The following SYNE2 variants were observed in gnomAD, a reference collection of about 807,000 sequenced individuals.
SYNE2 encodes the protein nesprin-2.
Under a neutral mutation model 856.3 loss-of-function variants are expected in SYNE2, and 431 were observed. The ratio of observed to expected loss-of-function variants is 0.50; its 90% CI spans 0.47 to 0.55. SYNE2 has a LOEUF of 0.55. Ranked by LOEUF, SYNE2 falls within the 20% of genes least tolerant of loss-of-function variation. SYNE2 has a pLI of 0.00. For synonymous variants in SYNE2, 2,923 were observed against 2,872.3 expected, an observed-to-expected ratio of 1.02 and a Z score of -0.56; for missense variants, 8,129 against 8,023.2, an observed-to-expected ratio of 1.01 and a Z score of -0.50.
chr14:64,225,337 G>A lies in SYNE2; in HGVS notation c.20535G>A (p.Arg6845=), dbSNP rs749088435. The stretch of plus-strand genomic sequence containing the variant: ...TTGGCAGGGTCCCCGGCAGCACACG[G>A]CCACAGCGCTCCTTCCTCTCAAGGG... The part of the protein sequence containing the change: ...ETESRVPGST[R]PQRSFLSRVV... The change falls in exon 116 of 116, where the codon CGG becomes CGA. Residue 6845 remains arginine, a synonymous_variant. Coordinates refer to ENST00000555002, the MANE Select transcript of SYNE2 (RefSeq NM_182914.3). The A allele has an allele frequency of 2.5e-6, 4 of 1,614,068 alleles. No homozygotes were observed. The highest frequency in any genetic ancestry group is 1.3e-5 in the African/African-American group (1 of 75,024).
intron 96 of SYNE2, among the ~76,000 whole-genome samples, chr14:64,184,329 G>GGTGTGTGTGTGTGTGTGTGT (rs767980383): frequency 2.1e-5 from 3 of 144,162 alleles, no homozygotes; most frequent in Non-Finnish European, 3.0e-5. Flanking sequence ...TATGCATAGG[G>GGTGTGTGTGTGTGTGTGTGT]GTGTGTGTGT....
At chr14:64,037,317 G>T (rs1186867213) in intron 45 of SYNE2, among the ~76,000 whole-genome samples, 3 of 151,208 alleles carry the variant, frequency 2.0e-5, no homozygotes, top group Non-Finnish European at 3.0e-5. Context: ...CTTGAGATTA[G>T]GGAGTGGTGA....
chr14:64,007,854 TAAA>T (rs1434349070), intron 31 of SYNE2, among the ~76,000 whole-genome samples: 2 of 151,932 alleles, frequency 1.3e-5, no homozygotes, highest in African/African-American at 4.8e-5. Flanking sequence ...CTAAAAAACA[TAAA>T]AAAAGTAACC....
chr14:63,812,065 A>G (rs895755299), intron 1 of SYNE2, among the ~76,000 whole-genome samples: 5 of 152,102 alleles, frequency 3.3e-5, no homozygotes, highest in African/African-American at 1.2e-4. Context: ...CTGACCTCAA[A>G]TTTACCAGGG....
At chr14:64,029,852 CAG>C (rs751262011) in intron 43 of SYNE2, 41 bp from the exon 44 acceptor site, 3 of 1,588,280 alleles carry the variant, frequency 1.9e-6, no homozygotes, top group East Asian at 2.3e-5. Context: ...TGAAAACAAT[CAG>C]AGAGAAATAA....
intron 1 of SYNE2, among the ~76,000 whole-genome samples, chr14:63,817,165 T>C (rs557322207): frequency 3.3e-5 from 5 of 152,170 alleles, no homozygotes; most frequent in Non-Finnish European, 7.3e-5. Context: ...CCTATGTCCA[T>C]ACAACACAGG....
intron 114 of SYNE2, among the ~76,000 whole-genome samples, 192 bp from the exon 115 acceptor site, chr14:64,224,807 C>A (rs555750630): frequency 6.6e-6 from 1 of 152,154 alleles, no homozygotes; most frequent in African/African-American, 2.4e-5. Flanking sequence ...GACCCTGAAA[C>A]TGAGTAGATT....
intron 1 of SYNE2, among the ~76,000 whole-genome samples, chr14:63,837,918 C>CAAAAAAAA (rs34952817): frequency 1.6e-5 from 1 of 62,174 alleles, no homozygotes; most frequent in Non-Finnish European, 2.7e-5. Context: ...GACTCTGTTT[C>CAAAAAAAA]AAAAAAAAAA....
chr14:64,018,684 A>G (rs192771112), intron 34 of SYNE2, among the ~76,000 whole-genome samples: 36 of 152,366 alleles, frequency 2.4e-4, no homozygotes, highest in African/African-American at 8.4e-4. Context: ...CTGGTTTCCA[A>G]TAAAAACTTT....
intron 1 of SYNE2, among the ~76,000 whole-genome samples, chr14:63,832,866 CA>C (rs36099684): frequency 1.5e-3 from 94 of 64,738 alleles, no homozygotes; most frequent in Middle Eastern, 0.017. Context: ...CTGTCTCTAC[CA>C]AAAAAAAAAA....
intron 1 of SYNE2, among the ~76,000 whole-genome samples, chr14:63,801,678 A>C (rs1301163506): frequency 2.0e-5 from 3 of 152,218 alleles, no homozygotes; most frequent in Admixed American, 6.5e-5. Flanking sequence ...CCATCTCGAA[A>C]AAAAAAGTAG....
In SYNE2 at chr14:64,214,310, G is replaced by A; in HGVS notation, c.19173G>A (p.Gln6391=). 6.2e-7 allele frequency: 1 copy of A among 1,614,160 alleles called. No individual in the cohort carries two copies. The change falls in exon 106 of 116, where the codon CAG becomes CAA. Residue 6391 remains glutamine, a synonymous_variant. Coordinates refer to ENST00000555002, the MANE Select transcript of SYNE2 (RefSeq NM_182914.3). ...AGAGCGAGGAACCGTCATCTCCTCA[G>A]TCCCTGTGTCATCTAGTGGCCCCAG... ...RGESEEPSSP[Q]SLCHLVAPGH...
intron 45 of SYNE2, among the ~76,000 whole-genome samples, chr14:64,043,628 G>A (rs1354770033): frequency 6.6e-6 from 1 of 152,236 alleles, no homozygotes; most frequent in Non-Finnish European, 1.5e-5. Flanking sequence ...TCGGGCTGTG[G>A]CTTCAGAGTG....
rs554501013 is a variant in SYNE2 at position 63,874,494 on chromosome 14, G to A, written c.-52+21351G>A. On this transcript the variant is annotated intron_variant, in intron 1 of 115. Coordinates refer to ENST00000555002, the MANE Select transcript of SYNE2 (RefSeq NM_182914.3). Reference sequence around the variant, plus strand: ...ATGACAGGCCAAGGGGTTCCAGGAAGGATATCTATGTAACCTGCCTGAGCT... The same window carrying A: ...ATGACAGGCCAAGGGGTTCCAGGAAAGATATCTATGTAACCTGCCTGAGCT... Among the ~76,000 whole-genome samples, 18 of 152,292 alleles carry A rather than the reference G, an allele frequency of 1.2e-4. No homozygotes were observed. The East Asian group carries it at 3.3e-3, about 28-fold the overall frequency.
rs78814287 is a variant in SYNE2, at chr14:64,159,202, G to A, written c.15964-110G>A. The A allele has an allele frequency of 4.2e-6, 6 of 1,415,168 alleles. No homozygotes were observed. The African/African-American group carries it at 7.1e-5, about 17-fold the overall frequency. 87.7% of individuals were successfully genotyped at this position (1,415,168 alleles called of 1,614,324 possible). On this transcript the variant is annotated intron_variant, in intron 86 of 115. Coordinates refer to ENST00000555002, the MANE Select transcript of SYNE2 (RefSeq NM_182914.3). Reference sequence around the variant, plus strand: ...ACATTCCTAATAGTTTATCAGAGCTGTAAGATTTGAGTGTTATTGCTACAT... The same window carrying A: ...ACATTCCTAATAGTTTATCAGAGCTATAAGATTTGAGTGTTATTGCTACAT...
chr14:64,023,006 A>G (rs1594929462), intron 38 of SYNE2, 143 bp downstream of exon 38: 1 of 638,452 alleles, frequency 1.6e-6, no homozygotes, highest in African/African-American at 1.8e-5. Context: ...AGGCTGGTGG[A>G]TCACTTGAGC....
chr14:63,921,665 G>A (rs2095602842), intron 2 of SYNE2, among the ~76,000 whole-genome samples: 1 of 152,218 alleles, frequency 6.6e-6, no homozygotes, highest in Non-Finnish European at 1.5e-5. Context: ...TGGCCTAGGT[G>A]AGAATTAGGT....
intron 1 of SYNE2, among the ~76,000 whole-genome samples, chr14:63,893,331 G>A (rs942298032): frequency 2.0e-5 from 3 of 152,200 alleles, no homozygotes; most frequent in African/African-American, 7.2e-5. Flanking sequence ...GGCCAAAGCA[G>A]TCGGATCACT....
At chr14:64,100,555 T>TATATATAGATATATAGATATATAG in intron 63 of SYNE2, among the ~76,000 whole-genome samples, 1 of 122,068 alleles carries the variant, frequency 8.2e-6, no homozygotes, top group Admixed American at 9.0e-5. Flanking sequence ...TATATATATA[T>TATATATAGATATATAGATATATAG]ATATATATAT....
Sources: gnomAD v4.1 joint callset for allele counts (sites outside exome capture counted in the v4.1 genomes callset) on GRCh38, gnomAD v4.1.1 for gene constraint, MANE v1.5 for transcripts, NCBI Gene and HGNC (gene_info 2026-07-23, HGNC 2026-07-21) for gene names.